Variants in VANGL1 observed in about 807,000 individuals in gnomAD.
The protein encoded by VANGL1 is vang-like protein 1.
Under a neutral mutation model 48.4 loss-of-function variants are expected in VANGL1, and 18 were observed. The ratio of observed to expected loss-of-function variants is 0.37; its 90% CI spans 0.26 to 0.55. The LOEUF (loss-of-function observed/expected upper bound fraction) is 0.55. Ranked by LOEUF, VANGL1 falls within the 20% of genes least tolerant of loss-of-function variation. VANGL1 has a pLI of 0.81. For missense variants in VANGL1, 667 were observed against 675.8 expected, an observed-to-expected ratio of 0.99 and a Z score of 0.14; for synonymous variants, 257 against 261.8, an observed-to-expected ratio of 0.98 and a Z score of 0.18.
At chr1:115,656,898 T>C (rs1015950010) in intron 2 of VANGL1, among the ~76,000 whole-genome samples, 1 of 152,212 alleles carries the variant, frequency 6.6e-6, no homozygotes, top group African/African-American at 2.4e-5. Flanking sequence ...GACTAGTGAA[T>C]AGATAGATGG....
At chr1:115,659,824 T>G (rs200807191) in intron 3 of VANGL1, 51 bp downstream of exon 3, 109 of 1,612,178 alleles carry the variant, frequency 6.8e-5, no homozygotes, top group Non-Finnish European at 8.8e-5. Flanking sequence ...CCAAGACTCC[T>G]GTCTGTAAAT....
chr1:115,669,440 C>A (rs1003599862), intron 4 of VANGL1, among the ~76,000 whole-genome samples: 4 of 152,110 alleles, frequency 2.6e-5, no homozygotes, highest in Admixed American at 2.6e-4. Flanking sequence ...GATTTTGTGT[C>A]CCCACCCAAA....
At chr1:115,665,607 G>A (rs768407581) in intron 4 of VANGL1, among the ~76,000 whole-genome samples, 3 of 152,128 alleles carry the variant, frequency 2.0e-5, no homozygotes, top group Admixed American at 1.3e-4. Context: ...CTTGTGCTAC[G>A]AGAACGGGAT....
chr1:115,682,462 A>C lies in VANGL1; in HGVS notation c.911A>C (p.Lys304Thr). Reference protein sequence around the residue: ...LLTASKFRAAKHMAGLKVYNV... With the variant: ...LLTASKFRAATHMAGLKVYNV... ...ACAGCCTCCAAATTCCGAGCAGCCAAGCATATGGCCGGGCTGAAAGTCTAC... is the reference window on the plus strand; with the variant it reads ...ACAGCCTCCAAATTCCGAGCAGCCACGCATATGGCCGGGCTGAAAGTCTAC... Residue 304 changes from lysine to threonine, a missense_variant, in exon 5 of 8, where the codon AAG (lysine) becomes ACG (threonine). Coordinates refer to ENST00000355485, the MANE Select transcript of VANGL1 (RefSeq NM_138959.3). 1 of 1,614,188 alleles carries C rather than the reference A, an allele frequency of 6.2e-7. No individual in the cohort carries two copies. Among genetic ancestry groups the C allele is most frequent in the South Asian group, 1.1e-5 (1 of 91,072 alleles).
chr1:115,681,388 G>A (rs757463086), intron 4 of VANGL1, among the ~76,000 whole-genome samples: 19 of 152,016 alleles, frequency 1.2e-4, no homozygotes, highest in African/African-American at 3.1e-4. Context: ...CTAGAATATC[G>A]GAACATAGAT....
intron 4 of VANGL1, among the ~76,000 whole-genome samples, chr1:115,673,665 T>C (rs1373106288): frequency 6.7e-6 from 1 of 149,392 alleles, no homozygotes; most frequent in African/African-American, 2.5e-5. Context: ...CTTAGTGCGA[T>C]CTCAGCTCTC....
intron 6 of VANGL1, among the ~76,000 whole-genome samples, chr1:115,684,857 CCAGGGAGCACG>C (rs1382815386): frequency 6.6e-6 from 1 of 152,252 alleles, no homozygotes; most frequent in Admixed American, 6.5e-5. Flanking sequence ...GGTGGCTGGA[CCAGGGAGCACG>C]CAGCTCTGCT....
At chr1:115,668,536 A>T (rs2101011161) in intron 4 of VANGL1, among the ~76,000 whole-genome samples, 1 of 152,166 alleles carries the variant, frequency 6.6e-6, no homozygotes, top group East Asian at 1.9e-4. Context: ...AAGAAAATAT[A>T]TTTTATCTAT....
intron 4 of VANGL1, among the ~76,000 whole-genome samples, chr1:115,667,395 A>G (rs1341797352): frequency 6.6e-6 from 1 of 152,242 alleles, no homozygotes; most frequent in Non-Finnish European, 1.5e-5. Flanking sequence ...TGCAGAAAGT[A>G]AGATACCATA....
rs1362218615 is a variant in VANGL1, at chr1:115,696,589, T to C, written c.*5210T>C. Reference sequence around the variant, plus strand: ...CATCTCATTAGGAATTAAGATGCGATGGATTAGAAATGTAAAACTTCAGAA... The same window carrying C: ...CATCTCATTAGGAATTAAGATGCGACGGATTAGAAATGTAAAACTTCAGAA... On this transcript the variant is annotated 3_prime_UTR_variant, in exon 8 of 8. Transcript: ENST00000355485. 2 of 152,210 alleles carry C rather than the reference T, an allele frequency of 1.3e-5. No individual in the cohort carries two copies. Among genetic ancestry groups the C allele is most frequent in the Admixed American group, 6.5e-5 (1 of 15,274 alleles). The allele number at this position is 152,210 out of a possible 1,614,324, so 9.4% of individuals were successfully genotyped here. A position where few individuals can be genotyped will look rare whatever the true frequency, so the allele number is the denominator to read the frequency against.
At chr1:115,663,587 T>C in intron 3 of VANGL1, 74 bp from the exon 4 acceptor site, 1 of 1,608,030 alleles carries the variant, frequency 6.2e-7, no homozygotes, top group South Asian at 1.1e-5. Context: ...CAGCGGGCCC[T>C]GCATGTTCAC....
intron 4 of VANGL1, chr1:115,671,276 TCAC>T (rs1451374450): frequency 4.6e-5 from 7 of 152,428 alleles, no homozygotes; most frequent in Admixed American, 3.3e-4. Flanking sequence ...TTCTCCACAC[TCAC>T]CACAAGTGGC....
rs1409833603 is a variant in VANGL1 at position 115,691,222 on chromosome 1, A to G, written c.1418A>G (p.Asn473Ser). The G allele has an allele frequency of 2.5e-6, 4 of 1,613,992 alleles. No homozygotes were observed. In the Admixed American group the frequency reaches 5.0e-5, roughly 20 times the overall value. Residue 473 changes from asparagine to serine, a missense_variant, in exon 8 of 8, where the codon AAT becomes AGT. Transcript: ENST00000355485. ...WRLVSDEAVT[N>S]GLRDGIVFVL... ...CTTGTCAGTGATGAGGCTGTGACTA[A>G]TGGATTACGGGATGGAATTGTGTTC...
chr1:115,666,199 C>A (rs565245156), intron 4 of VANGL1, among the ~76,000 whole-genome samples: 1 of 152,220 alleles, frequency 6.6e-6, no homozygotes, highest in South Asian at 2.1e-4. Context: ...TGTTTTTTGG[C>A]CCTTAGCCCT....
intron 2 of VANGL1, among the ~76,000 whole-genome samples, chr1:115,654,902 T>C (rs1652285726): frequency 6.6e-6 from 1 of 152,166 alleles, no homozygotes; most frequent in African/African-American, 2.4e-5. Context: ...CAGAGGGCAG[T>C]GTTATTTGCC....
rs1415332203 is a variant in VANGL1 at position 115,685,332 on chromosome 1, G to C, written c.1119G>C (p.Gln373His). ...VAVEEAFIHIQRLQAEEQQKA... is the reference protein window; with the variant it reads ...VAVEEAFIHIHRLQAEEQQKA... ...TGGAAGAGGCCTTCATCCACATTCA[G>C]CGTCTCCAGGCTGAGGAGCAGCAGA... Residue 373 changes from glutamine (Q) to histidine (H), a missense_variant, in exon 7 of 8, where the codon CAG (glutamine) becomes CAC (histidine). Coordinates refer to ENST00000355485, the MANE Select transcript of VANGL1 (RefSeq NM_138959.3). The C allele has an allele frequency of 6.2e-7, 1 of 1,614,060 alleles. No individual in the cohort carries two copies. The highest frequency in any genetic ancestry group is 8.5e-7 in the Non-Finnish European group (1 of 1,180,024).
intron 4 of VANGL1, among the ~76,000 whole-genome samples, chr1:115,674,244 C>T (rs985521398): frequency 2.6e-5 from 4 of 152,102 alleles, no homozygotes; most frequent in Non-Finnish European, 4.4e-5. Flanking sequence ...GGATTCCTGG[C>T]GGAAACACCG....
chr1:115,676,681 A>G (rs1352987534), intron 4 of VANGL1, among the ~76,000 whole-genome samples: 1 of 152,192 alleles, frequency 6.6e-6, no homozygotes, highest in Non-Finnish European at 1.5e-5. Flanking sequence ...TCATAATGTC[A>G]TAGAACTTGG....
chr1:115,682,453 G>C lies in VANGL1; in HGVS notation c.902G>C (p.Arg301Pro). The C allele has an allele frequency of 4.3e-6, 7 of 1,614,052 alleles. No individual in the cohort carries two copies. The highest frequency in any genetic ancestry group is 5.9e-6 in the Non-Finnish European group (7 of 1,180,020). The stretch of plus-strand genomic sequence containing the variant: ...AACCTCCTAACAGCCTCCAAATTCC[G>C]AGCAGCCAAGCATATGGCCGGGCTG... ...NPNLLTASKF[R>P]AAKHMAGLKV... Residue 301 changes from arginine to proline, a missense_variant, in exon 5 of 8, where the codon CGA (arginine) becomes CCA (proline). Arg to Pro is a moderately radical substitution (Grantham distance 103). Transcript: ENST00000355485.
Sources: allele counts gnomAD v4.1 joint callset (sites outside exome capture counted in the v4.1 genomes callset), GRCh38; gene constraint gnomAD v4.1.1; transcripts MANE v1.5; gene names NCBI Gene and HGNC (gene_info 2026-07-23, HGNC 2026-07-21).